Variants in KCTD1 observed in about 807,000 individuals in gnomAD.
The protein encoded by KCTD1 is BTB/POZ domain-containing protein KCTD1.
KCTD1 carries 24 observed loss-of-function variants against 66.0 expected under a neutral mutation model. The observed-to-expected ratio is 0.36, with a 90% CI of 0.26 to 0.51. The LOEUF is 0.51. KCTD1 is among the 20% of genes least tolerant of loss of function. The probability of loss-of-function intolerance (pLI) is 0.95; values close to 1 mark genes in which losing one functional copy is unlikely to be tolerated. For missense variants in KCTD1, 943 were observed against 1,205.2 expected, an observed-to-expected ratio of 0.78 and a Z score of 3.22; for synonymous variants, 511 against 517.2, an observed-to-expected ratio of 0.99 and a Z score of 0.16.
At chr18:26,566,752 A>T (rs1985989218) in intron 1 of KCTD1, 1 of 150,984 alleles carries the variant, frequency 6.6e-6, no homozygotes, top group Non-Finnish European at 1.5e-5. Flanking sequence ...TCCCAAAGTC[A>T]CAGCCCACAC....
intron 1 of KCTD1, among the ~76,000 whole-genome samples, chr18:26,656,852 C>T (rs1988159470): frequency 7.7e-6 from 1 of 130,188 alleles, no homozygotes; most frequent in Admixed American, 8.7e-5. Context: ...GGGCGCGGAG[C>T]TTTGCGCCGG....
chr18:26,530,320 G>T (rs1457530309), intron 1 of KCTD1, among the ~76,000 whole-genome samples: 2 of 152,170 alleles, frequency 1.3e-5, no homozygotes, highest in African/African-American at 4.8e-5. Flanking sequence ...TTTCCAAGGA[G>T]TTAGAGGTTG....
chr18:26,612,770 A>C (rs1987164319), intron 1 of KCTD1, among the ~76,000 whole-genome samples: 1 of 152,208 alleles, frequency 6.6e-6, no homozygotes, highest in Non-Finnish European at 1.5e-5. Flanking sequence ...CTTGTGCTGT[A>C]TCCTGGAAAC....
intron 1 of KCTD1, among the ~76,000 whole-genome samples, chr18:26,656,207 G>A (rs1215496618): frequency 3.3e-5 from 5 of 152,152 alleles, no homozygotes; most frequent in African/African-American, 7.2e-5. Context: ...GGAGGGGAGG[G>A]AAGGATGCGG....
intron 4 of KCTD1, chr18:26,456,169 A>G: frequency 3.1e-6 from 1 of 324,814 alleles, no homozygotes; most frequent in Non-Finnish European, 5.6e-6. Context: ...TATAAATGAG[A>G]AAACTGAGGT....
chr18:26,471,153 A>G (rs1435020282), intron 3 of KCTD1, among the ~76,000 whole-genome samples: 8 of 152,112 alleles, frequency 5.3e-5, no homozygotes, highest in Non-Finnish European at 1.2e-4. Context: ...CAGCCCCCCC[A>G]GGTCTCCTGC....
At chr18:26,515,928 T>A (rs1598911526) in intron 1 of KCTD1, among the ~76,000 whole-genome samples, 3 of 152,326 alleles carry the variant, frequency 2.0e-5, no homozygotes, top group Middle Eastern at 6.8e-3. Flanking sequence ...CAGCTTAATT[T>A]CATTAGATGT....
chr18:26,544,008 T>A (rs1177726410), intron 1 of KCTD1: 1 of 152,176 alleles, frequency 6.6e-6, no homozygotes, highest in Non-Finnish European at 1.5e-5. Flanking sequence ...AAGAGAATAG[T>A]TATAAGGATG....
chr18:26,608,065 C>A (rs1277720953), intron 1 of KCTD1, among the ~76,000 whole-genome samples: 3 of 152,208 alleles, frequency 2.0e-5, no homozygotes, highest in Admixed American at 2.0e-4. Context: ...GCCACTGCAC[C>A]TGGTCTCAAA....
At chr18:26,513,111 G>A (rs1188269069) in intron 1 of KCTD1, among the ~76,000 whole-genome samples, 13 of 131,860 alleles carry the variant, frequency 9.9e-5, no homozygotes, top group East Asian at 2.1e-4. Context: ...TTTTTGAGAC[G>A]TAGTCTCGCT....
At chr18:26,529,121 T>C (rs1984312800) in intron 1 of KCTD1, among the ~76,000 whole-genome samples, 2 of 152,144 alleles carry the variant, frequency 1.3e-5, no homozygotes, top group Non-Finnish European at 2.9e-5. Context: ...CACAGCCTCT[T>C]GTACTCCCCT....
intron 1 of KCTD1, among the ~76,000 whole-genome samples, chr18:26,526,204 C>A (rs1385144254): frequency 2.0e-5 from 3 of 152,090 alleles, no homozygotes; most frequent in African/African-American, 4.8e-5. Context: ...AAGAAGCAGC[C>A]CTCTCCGAGG....
At chr18:26,580,598 A>G (rs1263303880) in intron 1 of KCTD1, among the ~76,000 whole-genome samples, 2 of 152,108 alleles carry the variant, frequency 1.3e-5, no homozygotes, top group African/African-American at 4.8e-5. Flanking sequence ...TTGTTTCTAA[A>G]TATGATTCTC....
chr18:26,612,368 C>A (rs2144995515), intron 1 of KCTD1, among the ~76,000 whole-genome samples: 1 of 152,240 alleles, frequency 6.6e-6, no homozygotes, highest in Admixed American at 6.5e-5. Flanking sequence ...AATCCTAACC[C>A]CCAGTACCTC....
At chr18:26,473,735 G>A (rs564354499) in intron 3 of KCTD1, among the ~76,000 whole-genome samples, 5 of 152,230 alleles carry the variant, frequency 3.3e-5, no homozygotes, top group South Asian at 2.1e-4. Flanking sequence ...AGCTCAGTGC[G>A]GTGAGATGCA....
intron 1 of KCTD1, among the ~76,000 whole-genome samples, chr18:26,654,732 T>C (rs968277857): frequency 2.0e-5 from 3 of 152,352 alleles, no homozygotes; most frequent in Non-Finnish European, 2.9e-5. Context: ...CTTCTTAACA[T>C]AAGCCTAACC....
At chr18:26,488,108 G>C (rs1035800065) in intron 2 of KCTD1, among the ~76,000 whole-genome samples, 2 of 152,130 alleles carry the variant, frequency 1.3e-5, no homozygotes, top group Admixed American at 6.5e-5. Flanking sequence ...TGGTGTACTT[G>C]GAAATACAAA....
chr18:26,529,256 T>C (rs1346945921), intron 1 of KCTD1, among the ~76,000 whole-genome samples: 1 of 152,142 alleles, frequency 6.6e-6, no homozygotes, highest in African/African-American at 2.4e-5. Context: ...CTGCAATCCA[T>C]GGTCCGCATC....
chr18:26,654,143 G>C (rs1436104399), intron 1 of KCTD1, among the ~76,000 whole-genome samples: 1 of 152,174 alleles, frequency 6.6e-6, no homozygotes, highest in Non-Finnish European at 1.5e-5. Context: ...GCAAGCAATT[G>C]TTATTGCTAA....
Sources: allele counts gnomAD v4.1 joint callset (sites outside exome capture counted in the v4.1 genomes callset), GRCh38; gene constraint gnomAD v4.1.1; transcripts MANE v1.5; gene names NCBI Gene and HGNC (gene_info 2026-07-23, HGNC 2026-07-21).